VSTM4: variants seen among roughly 807,000 people sequenced by gnomAD.
VSTM4 encodes V-set and transmembrane domain-containing protein 4.
A neutral mutation model predicts 36.4 loss-of-function variants in VSTM4; 20 were observed. The observed-to-expected ratio is 0.55, with a 90% CI of 0.39 to 0.80. The LOEUF (loss-of-function observed/expected upper bound fraction) is 0.80. Among genes scored for constraint, VSTM4 ranks in the 30% least tolerant of loss-of-function variants. The pLI is 0.00. For synonymous variants in VSTM4, 182 were observed against 173.9 expected (o/e 1.05, Z -0.37); for missense variants, 392 against 404.5 (o/e 0.97, Z 0.26).
chr10:49,068,208 T>C (rs1291197302), intron 4 of VSTM4, among the ~76,000 whole-genome samples: 1 of 151,700 alleles, frequency 6.6e-6, no homozygotes, highest in East Asian at 1.9e-4. Context: ...GGTGGGGAAA[T>C]AGAGTCTCAC....
intron 4 of VSTM4, among the ~76,000 whole-genome samples, chr10:49,066,668 T>C (rs1316188589): frequency 6.6e-6 from 1 of 152,158 alleles, no homozygotes; most frequent in African/African-American, 2.4e-5. Context: ...AAAAATGCAT[T>C]CCCAATAAAT....
intron 4 of VSTM4, among the ~76,000 whole-genome samples, chr10:49,070,585 A>C (rs547739272): frequency 6.6e-6 from 1 of 152,356 alleles, no homozygotes; most frequent in Admixed American, 6.5e-5. Flanking sequence ...CAGGAACGGC[A>C]GTCACTCAGC....
At chr10:49,069,578 C>A (rs1247008545) in intron 4 of VSTM4, among the ~76,000 whole-genome samples, 1 of 152,180 alleles carries the variant, frequency 6.6e-6, no homozygotes, top group Admixed American at 6.5e-5. Flanking sequence ...AGAGAAAGGA[C>A]CAGGGTGCAC....
chr10:49,057,967 G>T lies in VSTM4; in HGVS notation c.668+6736C>A, dbSNP rs1843810478. ...TCCCAGAAAAGCCCCTGAAAGAACTGATTAATCTGACCCTACAACTGATCA... is the reference window on the plus strand; with the variant it reads ...TCCCAGAAAAGCCCCTGAAAGAACTTATTAATCTGACCCTACAACTGATCA... On this transcript the variant is annotated intron_variant, in intron 5 of 7. Coordinates refer to ENST00000332853, the MANE Select transcript of VSTM4 (RefSeq NM_001031746.5). 1.3e-5 allele frequency among the ~76,000 whole-genome samples: 2 copies of T among 152,330 alleles called. 1 individual carries two copies. The highest frequency in any genetic ancestry group is 4.2e-4 in the South Asian group (2 of 4,818).
intron 2 of VSTM4, among the ~76,000 whole-genome samples, chr10:49,099,358 T>C (rs1226193827): frequency 6.6e-6 from 1 of 152,242 alleles, no homozygotes; most frequent in Admixed American, 6.5e-5. Context: ...TTTTTCAAAT[T>C]GAATTTCATT....
chr10:49,102,787 T>C (rs1844692559), intron 2 of VSTM4: 1 of 980,710 alleles, frequency 1.0e-6, no homozygotes. Context: ...ATCAAGTATC[T>C]ATTGAGGATC....
intron 5 of VSTM4, among the ~76,000 whole-genome samples, chr10:49,063,738 C>A (rs1843923021): frequency 6.6e-6 from 1 of 152,186 alleles, no homozygotes. Flanking sequence ...AAGCCTCACA[C>A]CCATGGAGAT....
At position 49,068,924 on chromosome 10, in the gene VSTM4, A is replaced by T. The variant is rs571117662; in HGVS notation, c.635-4188T>A. ...ATTCAGGACGTGTTCTCAAATGGTTATTTTAGGATCCTTAGGACTTTGAAG... is the reference window on the plus strand; with the variant it reads ...ATTCAGGACGTGTTCTCAAATGGTTTTTTTAGGATCCTTAGGACTTTGAAG... On this transcript the variant is annotated intron_variant, in intron 4 of 7. Transcript: ENST00000332853. Among the ~76,000 whole-genome samples, 210 of 152,246 alleles carry T rather than the reference A, an allele frequency of 1.4e-3. 2 individuals carry two copies. The highest frequency in any genetic ancestry group is 4.8e-3 in the African/African-American group (200 of 41,546).
chr10:49,086,331 T>C (rs566499530), intron 2 of VSTM4, among the ~76,000 whole-genome samples: 1 of 152,314 alleles, frequency 6.6e-6, no homozygotes, highest in South Asian at 2.1e-4. Flanking sequence ...CAATAATTAA[T>C]ACATGATTTA....
chr10:49,031,676 C>A (rs1307794860), intron 7 of VSTM4, among the ~76,000 whole-genome samples: 1 of 152,192 alleles, frequency 6.6e-6, no homozygotes, highest in African/African-American at 2.4e-5. Context: ...ATAAGTCAAA[C>A]CATGCCACTC....
At chr10:49,048,332 TG>T (rs1843645397) in intron 6 of VSTM4, 145 bp downstream of exon 6, 1 of 689,802 alleles carries the variant, frequency 1.4e-6, no homozygotes, top group South Asian at 2.7e-5. Context: ...AGAATCTAGG[TG>T]GGGGTCCAGA....
At chr10:49,033,895 G>A (rs893633069) in intron 7 of VSTM4, among the ~76,000 whole-genome samples, 5 of 151,932 alleles carry the variant, frequency 3.3e-5, no homozygotes, top group East Asian at 3.9e-4. Context: ...TATTACCACC[G>A]CCATCACCAC....
At chr10:49,091,462 A>G (rs1489093742) in intron 2 of VSTM4, among the ~76,000 whole-genome samples, 1 of 152,218 alleles carries the variant, frequency 6.6e-6, no homozygotes, top group Non-Finnish European at 1.5e-5. Flanking sequence ...TATCAACTGC[A>G]TGTCTAGAGG....
At chr10:49,093,127 C>G (rs1844508225) in intron 2 of VSTM4, among the ~76,000 whole-genome samples, 1 of 152,222 alleles carries the variant, frequency 6.6e-6, no homozygotes, top group Non-Finnish European at 1.5e-5. Context: ...AGAAAGCCCT[C>G]TGTCCTTGAG....
rs1016350226 is a variant in VSTM4 at position 49,058,776 on chromosome 10, G to A, written c.668+5927C>T. 3.3e-5 allele frequency among the ~76,000 whole-genome samples: 5 copies of A among 152,330 alleles called. No homozygotes were observed. The South Asian group carries it at 1.0e-3, about 32-fold the overall frequency. Reference sequence around the variant, plus strand: ...ACCGCAGCCTCAGAGCCAGCACATGGTCTCTTCCGGAGGCCCTTCCCCTCC... The same window carrying A: ...ACCGCAGCCTCAGAGCCAGCACATGATCTCTTCCGGAGGCCCTTCCCCTCC... On this transcript the variant is annotated intron_variant, in intron 5 of 7. Transcript: ENST00000332853.
chr10:49,111,167 G>C (rs899765531), intron 1 of VSTM4, among the ~76,000 whole-genome samples: 9 of 152,224 alleles, frequency 5.9e-5, no homozygotes, highest in African/African-American at 2.2e-4. Context: ...GTGAGATGGG[G>C]CAAAGCAGGA....
intron 5 of VSTM4, 104 bp from the exon 6 acceptor site, chr10:49,048,688 C>A: frequency 1.2e-6 from 1 of 846,802 alleles, no homozygotes; most frequent in South Asian, 1.7e-5. Flanking sequence ...TGAGTGCTCC[C>A]TGTGTACCTG....
chr10:49,057,134 G>C (rs891181105), intron 5 of VSTM4, among the ~76,000 whole-genome samples: 1 of 151,968 alleles, frequency 6.6e-6, no homozygotes, highest in African/African-American at 2.4e-5. Flanking sequence ...CTGCCCCCAT[G>C]ACCCAAACAC....
chr10:49,093,742 C>CTTTTTTTTTTTTTT (rs35299738), intron 2 of VSTM4, among the ~76,000 whole-genome samples: 1 of 103,664 alleles, frequency 9.6e-6, no homozygotes, highest in Non-Finnish European at 1.9e-5. Context: ...CATAGTTACT[C>CTTTTTTTTTTTTTT]TTTTTTTTTT....
Sources: gnomAD v4.1 joint callset for allele counts (sites outside exome capture counted in the v4.1 genomes callset) on GRCh38, gnomAD v4.1.1 for gene constraint, MANE v1.5 for transcripts, NCBI Gene and HGNC (gene_info 2026-07-23, HGNC 2026-07-21) for gene names.